The following ZBTB4 variants were observed in gnomAD, a reference collection of about 807,000 sequenced individuals.
ZBTB4 encodes the protein zinc finger and BTB domain-containing protein 4.
ZBTB4 carries 14 observed loss-of-function variants against 59.8 expected under a neutral mutation model. The observed-to-expected ratio is 0.23, with a 90% CI of 0.15 to 0.37. The LOEUF (loss-of-function observed/expected upper bound fraction) is 0.37, where lower values mean the gene tolerates loss of function less well. Among genes scored for constraint, ZBTB4 ranks in the 10% least tolerant of loss-of-function variants. The probability of loss-of-function intolerance (pLI) is 1.00; values close to 1 mark genes in which losing one functional copy is unlikely to be tolerated. For missense variants in ZBTB4, 1,198 were observed against 1,380.8 expected (o/e 0.87, Z 2.10); for synonymous variants, 587 against 575.2 (o/e 1.02, Z -0.29).
intron 1 of ZBTB4, among the ~76,000 whole-genome samples, chr17:7,471,826 G>A (rs1207599967): frequency 1.3e-5 from 2 of 152,168 alleles, no homozygotes; most frequent in East Asian, 1.9e-4. Context: ...GGAAAATGGT[G>A]GGGAGAAGTA....
chr17:7,470,258 T>C (rs904700768), intron 1 of ZBTB4, among the ~76,000 whole-genome samples: 1 of 150,654 alleles, frequency 6.6e-6, no homozygotes. Context: ...ATTAGCCAGG[T>C]GTGGTGGTGT....
intron 1 of ZBTB4, among the ~76,000 whole-genome samples, chr17:7,468,631 C>T (rs1375907441): frequency 6.6e-6 from 1 of 152,174 alleles, no homozygotes; most frequent in African/African-American, 2.4e-5. Flanking sequence ...ACCCTCTCCT[C>T]TGCCCTCCAC....
At chr17:7,473,003 G>A (rs1196541314) in intron 1 of ZBTB4, among the ~76,000 whole-genome samples, 1 of 151,368 alleles carries the variant, frequency 6.6e-6, no homozygotes, top group Non-Finnish European at 1.5e-5. Flanking sequence ...CGCCCAGGCT[G>A]GAGTGCAGTG....
chr17:7,483,923 A>C (rs1444499937), upstream of ZBTB4: 1 of 152,188 alleles, frequency 6.6e-6, no homozygotes, highest in African/African-American at 2.4e-5. Flanking sequence ...TGGTTTGTTC[A>C]TGCATATTCA....
At position 7,461,948 on chromosome 17, in the gene ZBTB4, C is replaced by T. The variant is rs899934273; in HGVS notation, c.3034G>A (p.Val1012Met). 4 of 1,545,988 alleles carry T rather than the reference C, an allele frequency of 2.6e-6. No homozygotes were observed. In the African/African-American group the frequency reaches 5.5e-5, roughly 21 times the overall value. ...GGATTGAGCCCCAGGGTTCACCCCA[C>T]ATCGCCCTTCTGGGTTCTCTCAACC... ...AGVERTQKGD[V>M]G The change falls in exon 4 of 4, where the codon GTG becomes ATG. Residue 1012 changes from valine to methionine, a missense_variant. Coordinates refer to ENST00000380599, the MANE Select transcript of ZBTB4 (RefSeq NM_001128833.2).
Position 7,466,760 on chromosome 17 carries a change from G to C in ZBTB4, c.42C>G (p.Pro14=). 1 of 1,587,334 alleles carries C rather than the reference G, an allele frequency of 6.3e-7. No individual in the cohort carries two copies. Among genetic ancestry groups the C allele is most frequent in the Non-Finnish European group, 8.6e-7 (1 of 1,168,008 alleles). ...GTTCATTGAGCTGGCGCAGGACGGC[G>C]GGGGCATGGGACGGGTCCGTCACCT... ...PAEVTDPSHA[P]AVLRQLNEQR... Residue 14 remains proline, a synonymous_variant, in exon 3 of 4, where the codon CCC becomes CCG. Coordinates refer to ENST00000380599, the MANE Select transcript of ZBTB4 (RefSeq NM_001128833.2). This position sits in a 1 kb window ranked among gnomAD's most constrained non-coding sequence, Gnocchi z 9.1.
chr17:7,464,331 C>T (rs1179986460), intron 3 of ZBTB4, among the ~76,000 whole-genome samples: 1 of 130,966 alleles, frequency 7.6e-6, no homozygotes, highest in Admixed American at 8.2e-5. Flanking sequence ...GAGGCCCTAA[C>T]AAACCTCAGC....
intron 1 of ZBTB4, among the ~76,000 whole-genome samples, chr17:7,474,451 T>G (rs1567690495): frequency 6.6e-6 from 1 of 152,034 alleles, no homozygotes; most frequent in Non-Finnish European, 1.5e-5. Context: ...ACTCCTGGGA[T>G]CAAGCAATTC....
intron 1 of ZBTB4, among the ~76,000 whole-genome samples, 176 bp downstream of exon 1, chr17:7,479,280 G>A (rs1378104137): frequency 1.3e-5 from 2 of 151,614 alleles, no homozygotes; most frequent in East Asian, 2.0e-4. Context: ...CGTCGTGCGC[G>A]CCCGGGGGCG....
intron 1 of ZBTB4, among the ~76,000 whole-genome samples, chr17:7,477,742 C>T (rs1169133350): frequency 6.6e-6 from 1 of 152,154 alleles, no homozygotes; most frequent in Non-Finnish European, 1.5e-5. Flanking sequence ...GAGGGTGAAG[C>T]AGGAGGAGGC....
chr17:7,482,182 C>A (rs1479906625), upstream of ZBTB4: 2 of 1,614,104 alleles, frequency 1.2e-6, no homozygotes, highest in African/African-American at 1.3e-5. Context: ...AGGCTTCCAA[C>A]CTGCCCTCGC....
rs561289168 is a variant in ZBTB4 at position 7,466,370 on chromosome 17, G to A, written c.432C>T (p.Tyr144=). The A allele has an allele frequency of 4.1e-4, 663 of 1,614,066 alleles. 7 individuals are homozygous for A. The South Asian group carries it at 6.9e-3, about 17-fold the overall frequency. ...AAFSDVLNFI[Y]SARLALPGGG... The stretch of plus-strand genomic sequence containing the variant: ...CACCAGGCAGTGCGAGCCGGGCGCT[G>A]TAGATGAAGTTGAGGACATCAGAAA... Residue 144 remains tyrosine, a synonymous_variant, in exon 3 of 4, where the codon TAC becomes TAT. Transcript: ENST00000380599. The surrounding 1 kb of genome is among the most constrained non-coding windows in gnomAD (Gnocchi z 9.1).
At chr17:7,477,469 T>G (rs2070284575) in intron 1 of ZBTB4, among the ~76,000 whole-genome samples, 1 of 152,154 alleles carries the variant, frequency 6.6e-6, no homozygotes, top group African/African-American at 2.4e-5. Context: ...CAGCCCCCCA[T>G]GCCGGAGGGC....
At chr17:7,481,056 G>A (rs2070338688), upstream of ZBTB4, among the ~76,000 whole-genome samples, 2 of 152,094 alleles carry the variant, frequency 1.3e-5, no homozygotes, top group Non-Finnish European at 2.9e-5. Flanking sequence ...GTACTTGGGA[G>A]GATGAGGTAG....
upstream of ZBTB4, chr17:7,479,682 C>A (rs2070318919): frequency 6.8e-6 from 1 of 148,100 alleles, no homozygotes; most frequent in Non-Finnish European, 1.5e-5. Flanking sequence ...GAAACAGTCC[C>A]CCCCCAGCGC....
chr17:7,474,385 T>G (rs1162437622), intron 1 of ZBTB4, among the ~76,000 whole-genome samples: 1 of 151,446 alleles, frequency 6.6e-6, no homozygotes, highest in Non-Finnish European at 1.5e-5. Context: ...GCCCAGCGAA[T>G]TTTTTGTATT....
intron 1 of ZBTB4, among the ~76,000 whole-genome samples, chr17:7,476,324 T>C (rs985569834): frequency 1.3e-5 from 2 of 152,176 alleles, no homozygotes; most frequent in Admixed American, 1.3e-4. Context: ...CTTTTTAATC[T>C]TGCCTTGTGT....
chr17:7,462,451 G>C lies in ZBTB4; in HGVS notation c.2531C>G (p.Thr844Ser). 3 of 1,613,848 alleles carry C rather than the reference G, an allele frequency of 1.9e-6. No individual in the cohort carries two copies. The highest frequency in any genetic ancestry group is 2.5e-6 in the Non-Finnish European group (3 of 1,180,004). Residue 844 changes from threonine to serine, a missense_variant, in exon 4 of 4, where the codon ACC (threonine) becomes AGC (serine). Around this residue, in one of 9 missense-constraint regions of ZBTB4, gnomAD observed 211 missense variants for 236.1 expected, o/e 0.89. Coordinates refer to ENST00000380599, the MANE Select transcript of ZBTB4 (RefSeq NM_001128833.2). This position sits in a 1 kb window ranked among gnomAD's most constrained non-coding sequence, Gnocchi z 7.5. ...AATGATAGGGTCCTGGAGTGAGGCG[G>C]TCTCGGAAGCTTCCTCAGCAGCAGT... ...GSTAAEEASE[T>S]ASLQDPIISG... is the part of the protein sequence containing the mutation.
chr17:7,480,008 C>T (rs1276018967), upstream of ZBTB4, among the ~76,000 whole-genome samples: 2 of 152,102 alleles, frequency 1.3e-5, no homozygotes, highest in Non-Finnish European at 2.9e-5. Context: ...GACTCATAAT[C>T]AGGCCCGGTG....
Sources: allele counts gnomAD v4.1 joint callset (sites outside exome capture counted in the v4.1 genomes callset), GRCh38; gene constraint gnomAD v4.1.1; regional missense constraint gnomAD v4.1.1; non-coding constraint Gnocchi (gnomAD v3.1); transcripts MANE v1.5; gene names NCBI Gene and HGNC (gene_info 2026-07-23, HGNC 2026-07-21).